Variants in BANK1 observed in about 807,000 individuals in gnomAD.
The protein encoded by BANK1 is B cell scaffold protein with ankyrin repeats 1.
In BANK1, 95 loss-of-function variants were observed where a neutral mutation model predicts 94.5. The observed-to-expected ratio is 1.00, with a 90% confidence interval of 0.85 to 1.19. The LOEUF (loss-of-function observed/expected upper bound fraction) is 1.19. Among genes scored for constraint, BANK1 ranks in the 50% most tolerant of loss-of-function variants. The probability of loss-of-function intolerance (pLI) is 0.00; values close to 1 mark genes in which losing one functional copy is unlikely to be tolerated. For missense variants in BANK1, 987 were observed against 932.2 expected (o/e 1.06, Z -0.77); for synonymous variants, 334 against 308.4 (o/e 1.08, Z -0.87).
intron 10 of BANK1, 72 bp from the exon 11 acceptor site, chr4:102,043,767 C>A: frequency 1.1e-6 from 1 of 920,344 alleles, no homozygotes. Flanking sequence ...TTCTGGCTTC[C>A]TGGAGACTTC....
chr4:101,918,241 A>G, intron 7 of BANK1, 52 bp downstream of exon 7: 1 of 1,252,402 alleles, frequency 8.0e-7, no homozygotes, highest in Non-Finnish European at 1.1e-6. Flanking sequence ...GATATTGTAG[A>G]AGAGACTGTA....
intron 4 of BANK1, 28 bp from the exon 5 acceptor site, chr4:101,870,477 C>T: frequency 6.3e-7 from 1 of 1,599,854 alleles, no homozygotes; most frequent in Admixed American, 1.7e-5. Flanking sequence ...ATATACTCTG[C>T]CCCTAACCCT....
At position 102,025,528 on chromosome 4, in the gene BANK1, A is replaced by C; in HGVS notation, c.1594+19A>C. 1 of 1,607,884 alleles carries C rather than the reference A, an allele frequency of 6.2e-7. No individual in the cohort carries two copies. The highest frequency in any genetic ancestry group is 8.5e-7 in the Non-Finnish European group (1 of 1,176,718). On this transcript the variant is annotated intron_variant, in intron 9 of 16. Coordinates refer to ENST00000322953, the MANE Select transcript of BANK1 (RefSeq NM_017935.5). ...TTACCAGGTAAGTTTAAGGTTAGAA[A>C]AAAACAAAACAAAACAAAGACAAAT... is the stretch of plus-strand genomic sequence containing the variant.
Position 101,829,917 on chromosome 4 carries a change from T to G in BANK1, c.180T>G (p.Tyr60Ter). The G allele has an allele frequency of 6.2e-7, 1 of 1,613,980 alleles. No individual in the cohort carries two copies. The highest frequency in any genetic ancestry group is 1.3e-5 in the African/African-American group (1 of 75,040). The change falls in exon 2 of 17, where the codon TAT (tyrosine) becomes TAG (stop). Residue 60 changes from tyrosine to a stop codon, truncating the protein, a stop_gained. Coordinates refer to ENST00000322953, the MANE Select transcript of BANK1 (RefSeq NM_017935.5). LOFTEE classifies it high-confidence loss of function. ...HVVKREAILL[Y>*]RLENFSFRHL... ...TGAAAAGGGAAGCCATCCTGTTATA[T>G]CGCTTGGAGAATTTCTCTTTTCGGC...
chr4:101,869,512 AC>A (rs892959906), intron 4 of BANK1, among the ~76,000 whole-genome samples: 2 of 151,914 alleles, frequency 1.3e-5, no homozygotes, highest in Non-Finnish European at 2.9e-5. Context: ...CAGCTCCTTG[AC>A]CTAGTTAAGC....
intron 9 of BANK1, 89 bp from the exon 10 acceptor site, chr4:102,029,870 AC>A (rs1281691245): frequency 2.4e-5 from 31 of 1,302,736 alleles, no homozygotes; most frequent in Non-Finnish European, 3.3e-5. Flanking sequence ...TGACTAAGCC[AC>A]CTTGGGAAGC....
At chr4:102,012,597 A>G (rs1161619090) in intron 7 of BANK1, among the ~76,000 whole-genome samples, 16 of 152,182 alleles carry the variant, frequency 1.1e-4, no homozygotes, top group Admixed American at 1.0e-3. Flanking sequence ...TAACAACAAA[A>G]GAGTATAATC....
chr4:101,923,194 G>T (rs1347458076), intron 7 of BANK1, among the ~76,000 whole-genome samples: 1 of 151,666 alleles, frequency 6.6e-6, no homozygotes, highest in Non-Finnish European at 1.5e-5. Context: ...TTGGCTTATT[G>T]TTATTCATAT....
chr4:101,790,791 A>C lies in BANK1; in HGVS notation c.-90A>C, dbSNP rs1724948747. On this transcript the variant is annotated 5_prime_UTR_variant, in exon 1 of 17. Coordinates refer to ENST00000322953, the MANE Select transcript of BANK1 (RefSeq NM_017935.5). ...CTGGGGAGAGCCGAGGGCCAAAGGA[A>C]GAGAAAATCGCGGGGAGTCTCTGGC... 163 of 1,350,928 alleles carry C rather than the reference A, an allele frequency of 1.2e-4. No individual in the cohort carries two copies. The highest frequency in any genetic ancestry group is 2.1e-4 in the Middle Eastern group (1 of 4,802). The allele number at this position is 1,350,928 out of a possible 1,614,324, so 83.7% of individuals were successfully genotyped here.
chr4:101,894,266 T>C (rs1010844941), intron 5 of BANK1, among the ~76,000 whole-genome samples: 27 of 152,084 alleles, frequency 1.8e-4, no homozygotes, highest in Non-Finnish European at 3.1e-4. Flanking sequence ...CTAAGAGCTT[T>C]GCACAATCTG....
chr4:101,924,148 A>T (rs1278232816), intron 7 of BANK1, among the ~76,000 whole-genome samples: 1 of 151,816 alleles, frequency 6.6e-6, no homozygotes, highest in Non-Finnish European at 1.5e-5. Flanking sequence ...TAATTTTATG[A>T]GATGTAATAT....
intron 7 of BANK1, among the ~76,000 whole-genome samples, chr4:101,969,594 A>G (rs1342310863): frequency 6.6e-6 from 1 of 152,134 alleles, no homozygotes; most frequent in African/African-American, 2.4e-5. Flanking sequence ...TCTTTGTAAA[A>G]AAAAAAGTTT....
At chr4:101,826,621 A>G (rs899665226) in intron 1 of BANK1, among the ~76,000 whole-genome samples, 18 of 151,876 alleles carry the variant, frequency 1.2e-4, no homozygotes, top group African/African-American at 4.3e-4. Context: ...ATGGCATAAT[A>G]TTTCTGTTTG....
chr4:102,052,379 G>A (rs1242209508), intron 11 of BANK1, among the ~76,000 whole-genome samples: 1 of 151,982 alleles, frequency 6.6e-6, no homozygotes, highest in African/African-American at 2.4e-5. Flanking sequence ...GCCTCCCAAA[G>A]TGCTGGGATT....
intron 7 of BANK1, among the ~76,000 whole-genome samples, chr4:101,978,758 AT>A (rs1430125989): frequency 6.6e-6 from 1 of 152,046 alleles, no homozygotes; most frequent in Non-Finnish European, 1.5e-5. Context: ...AATGCCACAG[AT>A]TTTTGCTTAA....
chr4:101,989,974 T>TG (rs1421579806), intron 7 of BANK1, among the ~76,000 whole-genome samples: 1 of 152,106 alleles, frequency 6.6e-6, no homozygotes, highest in Non-Finnish European at 1.5e-5. Flanking sequence ...TTTCTTTTTT[T>TG]CCCTCTTTCC....
chr4:101,835,907 C>T (rs1469019868), intron 2 of BANK1, among the ~76,000 whole-genome samples: 4 of 152,122 alleles, frequency 2.6e-5, no homozygotes. Flanking sequence ...TCCATTTTTG[C>T]GTTCACTCCA....
intron 11 of BANK1, among the ~76,000 whole-genome samples, chr4:102,046,920 G>A (rs973315065): frequency 6.6e-6 from 1 of 152,138 alleles, no homozygotes; most frequent in East Asian, 1.9e-4. Flanking sequence ...GATAATGAAT[G>A]TGTACATACA....
intron 7 of BANK1, among the ~76,000 whole-genome samples, chr4:101,959,715 A>G (rs1370567240): frequency 1.3e-5 from 2 of 152,240 alleles, no homozygotes; most frequent in Non-Finnish European, 2.9e-5. Context: ...TCTACAGAAT[A>G]GAAGTGATGC....
Sources: allele counts gnomAD v4.1 joint callset (sites outside exome capture counted in the v4.1 genomes callset), GRCh38; gene constraint gnomAD v4.1.1; transcripts MANE v1.5; gene names NCBI Gene and HGNC (gene_info 2026-07-23, HGNC 2026-07-21).